Variants in SOX6 observed in about 807,000 individuals in gnomAD.
SOX6 encodes the protein SRY-box transcription factor 6.
In SOX6, 11 loss-of-function variants were observed where a neutral mutation model predicts 97.8. The observed-to-expected ratio is 0.11, with a 90% CI of 0.07 to 0.19. SOX6 has a LOEUF of 0.19. SOX6 is among the 10% of genes least tolerant of loss of function. The pLI, the probability that SOX6 is intolerant of heterozygous loss-of-function variation, is 1.00. For synonymous variants in SOX6, 360 were observed against 371.4 expected (o/e 0.97, Z 0.35); for missense variants, 810 against 1,039.5 (o/e 0.78, Z 3.04).
intron 6 of SOX6, among the ~76,000 whole-genome samples, chr11:16,172,581 C>T (rs1454533153): frequency 6.6e-6 from 1 of 152,014 alleles, no homozygotes; most frequent in African/African-American, 2.4e-5. Flanking sequence ...TAAGAGGACA[C>T]GTCTTATGCT....
At chr11:16,150,020 T>C (rs1043582046) in intron 6 of SOX6, among the ~76,000 whole-genome samples, 29 of 152,164 alleles carry the variant, frequency 1.9e-4, no homozygotes, top group African/African-American at 6.0e-4. Flanking sequence ...TGGAAGCATT[T>C]TAGAGATTGA....
At chr11:16,346,759 C>A (rs1192618672) in intron 1 of SOX6, among the ~76,000 whole-genome samples, 1 of 152,064 alleles carries the variant, frequency 6.6e-6, no homozygotes, top group Non-Finnish European at 1.5e-5. Context: ...AGAAAACTCA[C>A]TGATTAGAAT....
chr11:16,496,771 AG>A (rs1417209902), intron 4 of SOX6, among the ~76,000 whole-genome samples: 1 of 152,136 alleles, frequency 6.6e-6, no homozygotes, highest in African/African-American at 2.4e-5. Context: ...AGGCTGGGGG[AG>A]GGGCACACAC....
intron 3 of SOX6, among the ~76,000 whole-genome samples, chr11:16,702,977 T>A (rs1848106118): frequency 6.6e-6 from 1 of 150,504 alleles, no homozygotes; most frequent in Non-Finnish European, 1.5e-5. Context: ...CCCACACATA[T>A]CTTTAAGGAA....
At chr11:16,106,674 T>A (rs1017627709) in intron 7 of SOX6, among the ~76,000 whole-genome samples, 2 of 152,062 alleles carry the variant, frequency 1.3e-5, no homozygotes, top group African/African-American at 4.8e-5. Context: ...CTTTATGACA[T>A]TGGATTTGGC....
chr11:16,174,813 A>G (rs1851141503), intron 6 of SOX6, among the ~76,000 whole-genome samples: 1 of 152,072 alleles, frequency 6.6e-6, no homozygotes, highest in Non-Finnish European at 1.5e-5. Flanking sequence ...AAAGCTATAA[A>G]ATAAATTGGA....
At chr11:16,514,707 C>A (rs1169820055) in intron 4 of SOX6, among the ~76,000 whole-genome samples, 2 of 123,394 alleles carry the variant, frequency 1.6e-5, no homozygotes, top group Non-Finnish European at 3.3e-5. Context: ...TCCCCCCACC[C>A]CACAACAGTC....
At chr11:16,402,636 T>C in intron 1 of SOX6, 2 of 1,606,514 alleles carry the variant, frequency 1.2e-6, no homozygotes, top group Non-Finnish European at 1.7e-6. Context: ...TCATTTTTTT[T>C]AACAAAATAC....
chr11:16,121,494 A>G (rs959413253), intron 6 of SOX6, among the ~76,000 whole-genome samples: 2 of 151,954 alleles, frequency 1.3e-5, no homozygotes. Context: ...AAAGACATCT[A>G]TAGCCTTGTT....
chr11:16,644,616 A>G (rs765647795), intron 3 of SOX6, among the ~76,000 whole-genome samples: 1 of 152,142 alleles, frequency 6.6e-6, no homozygotes, highest in African/African-American at 2.4e-5. Context: ...TTATTGACTC[A>G]TAAGTTAATG....
upstream of SOX6, among the ~76,000 whole-genome samples, chr11:16,480,899 A>G (rs767152989): frequency 6.6e-6 from 1 of 152,172 alleles, no homozygotes; most frequent in Non-Finnish European, 1.5e-5. Context: ...TTTTACTAAT[A>G]TTATACATAG....
intron 3 of SOX6, among the ~76,000 whole-genome samples, chr11:16,244,749 T>C (rs979412348): frequency 1.3e-5 from 2 of 151,490 alleles, no homozygotes; most frequent in Non-Finnish European, 3.0e-5. Flanking sequence ...GTGTATAGAG[T>C]GTGTATGTGT....
intron 3 of SOX6, among the ~76,000 whole-genome samples, chr11:16,651,625 A>T (rs1378408011): frequency 6.6e-6 from 1 of 152,192 alleles, no homozygotes; most frequent in Non-Finnish European, 1.5e-5. Flanking sequence ...GACTTACCTC[A>T]AAGTAATAAA....
chr11:16,043,427 T>C (rs1252706214), intron 12 of SOX6, among the ~76,000 whole-genome samples: 1 of 152,094 alleles, frequency 6.6e-6, no homozygotes, highest in Non-Finnish European at 1.5e-5. Flanking sequence ...AGATCCTAAA[T>C]ACCCCGTGAC....
chr11:16,425,042 C>G (rs1859097663), intron 1 of SOX6, among the ~76,000 whole-genome samples: 1 of 152,218 alleles, frequency 6.6e-6, no homozygotes, highest in African/African-American at 2.4e-5. Context: ...AGCCACTCAA[C>G]TTTAGAACCA....
At chr11:16,318,204 C>A (rs1855808163) in intron 3 of SOX6, 2 of 527,584 alleles carry the variant, frequency 3.8e-6, no homozygotes, top group South Asian at 4.2e-5. Context: ...AGTTTAAAAT[C>A]CTAATTTGTT....
intron 3 of SOX6, among the ~76,000 whole-genome samples, chr11:16,642,779 G>A (rs1272334965): frequency 1.3e-5 from 2 of 152,188 alleles, no homozygotes; most frequent in Middle Eastern, 3.4e-3. Context: ...TCCTTTAAGG[G>A]CTTCTCTACA....
chr11:16,155,868 T>C (rs1269464706), intron 6 of SOX6, among the ~76,000 whole-genome samples: 1 of 152,124 alleles, frequency 6.6e-6, no homozygotes, highest in African/African-American at 2.4e-5. Context: ...AAGCTCGTTA[T>C]CACATCTTCA....
At chr11:16,378,723 T>C (rs1320278667) in intron 1 of SOX6, among the ~76,000 whole-genome samples, 1 of 152,056 alleles carries the variant, frequency 6.6e-6, no homozygotes, top group African/African-American at 2.4e-5. Context: ...TAAAAATGGT[T>C]CTAAAGGCAG....
Sources: allele counts gnomAD v4.1 joint callset (sites outside exome capture counted in the v4.1 genomes callset), GRCh38; gene constraint gnomAD v4.1.1; transcripts MANE v1.5; gene names NCBI Gene and HGNC (gene_info 2026-07-23, HGNC 2026-07-21).